Variants in SORBS2 observed in about 807,000 individuals in gnomAD.
SORBS2 encodes sorbin and SH3 domain-containing protein 2.
Under a neutral mutation model 97.7 loss-of-function variants are expected in SORBS2, and 46 were observed. The ratio of observed to expected loss-of-function variants is 0.47; its 90% CI spans 0.37 to 0.60. The LOEUF is 0.60. Among genes scored for constraint, SORBS2 ranks in the 20% least tolerant of loss-of-function variants. SORBS2 has a pLI of 0.00. For missense variants in SORBS2, 1,316 were observed against 1,282.3 expected (o/e 1.03, Z -0.40); for synonymous variants, 476 against 473.4 (o/e 1.01, Z -0.07).
Position 185,810,409 on chromosome 4 carries a change from G to T in SORBS2, c.-337-35043C>A, listed in dbSNP as rs2099175171. Reference sequence around the variant, plus strand: ...GACTCATGTCATCCAGATTTTGGAGGAAAAAGGTAGCAAATAAAAATATAC... The same window carrying T: ...GACTCATGTCATCCAGATTTTGGAGTAAAAAGGTAGCAAATAAAAATATAC... On this transcript the variant is annotated intron_variant, in intron 1 of 20. Coordinates refer to the SORBS2 transcript ENST00000284776. Among the ~76,000 whole-genome samples, 3 of 152,072 alleles carry T rather than the reference G, an allele frequency of 2.0e-5. No individual in the cohort carries two copies. The South Asian group carries it at 6.2e-4, about 32-fold the overall frequency.
chr4:185,872,122 C>T (rs2099230743), intron 1 of SORBS2, among the ~76,000 whole-genome samples: 1 of 152,140 alleles, frequency 6.6e-6, no homozygotes, highest in African/African-American at 2.4e-5. Flanking sequence ...ATGCTCTAGC[C>T]TCATTTTCAT....
At chr4:185,658,733 C>T (rs2097454418), upstream of SORBS2, among the ~76,000 whole-genome samples, 1 of 145,384 alleles carries the variant, frequency 6.9e-6, no homozygotes, top group Non-Finnish European at 1.5e-5. Context: ...GCTCTGTCAC[C>T]CAGCTGGAGT....
At chr4:185,794,005 G>A (rs2099093610) in intron 1 of SORBS2, among the ~76,000 whole-genome samples, 2 of 152,280 alleles carry the variant, frequency 1.3e-5, no homozygotes, top group Middle Eastern at 3.4e-3. Flanking sequence ...CAGAATTGGA[G>A]GAGCCCTGCC....
At chr4:185,718,704 T>C (rs80035277) in intron 2 of SORBS2, among the ~76,000 whole-genome samples, 1,570 of 152,316 alleles carry the variant, frequency 0.01, 33 homozygotes, top group African/African-American at 0.037. Context: ...ATGCACTTCT[T>C]TGGGAGAGCT....
intron 12 of SORBS2, among the ~76,000 whole-genome samples, chr4:185,608,782 C>T (rs1330453562): frequency 1.3e-5 from 2 of 152,124 alleles, no homozygotes; most frequent in Admixed American, 6.5e-5. Context: ...CTTTAGGTCT[C>T]TCCAGGTAGA....
intron 1 of SORBS2, among the ~76,000 whole-genome samples, chr4:185,933,577 G>T (rs1561314744): frequency 6.6e-6 from 1 of 152,056 alleles, no homozygotes; most frequent in Non-Finnish European, 1.5e-5. Context: ...TCCTTGGCTT[G>T]TAGACGCATC....
intron 1 of SORBS2, among the ~76,000 whole-genome samples, chr4:185,932,237 C>T (rs544064750): frequency 5.9e-5 from 9 of 151,570 alleles, no homozygotes; most frequent in South Asian, 2.1e-4. Context: ...GGGGCAGCTA[C>T]GAAGGGGGCA....
chr4:185,835,394 CG>C (rs1280039543), intron 1 of SORBS2, among the ~76,000 whole-genome samples: 1 of 152,142 alleles, frequency 6.6e-6, no homozygotes, highest in Non-Finnish European at 1.5e-5. Flanking sequence ...TCAATTCTAA[CG>C]GTGTTCAAAA....
Position 185,620,118 on chromosome 4 carries a change from A to C in SORBS2, c.2249T>G (p.Leu750Trp), listed in dbSNP as rs1163783216. 1.9e-6 allele frequency: 3 copies of C among 1,612,226 alleles called. No individual in the cohort carries two copies. The East Asian group carries it at 6.7e-5, about 36-fold the overall frequency. Residue 750 changes from leucine to tryptophan, a missense_variant, in exon 8 of 15, where the codon TTG becomes TGG. Leu to Trp is a moderately conservative substitution (Grantham distance 61). Transcript: ENST00000418609. Reference sequence around the variant, plus strand: ...TGGTGCACTTCTCCCCATGTCAGTCAAAGTGGATGAGTAACTTCTAGGGGA... The same window carrying C: ...TGGTGCACTTCTCCCCATGTCAGTCCAAGTGGATGAGTAACTTCTAGGGGA...
intron 12 of SORBS2, among the ~76,000 whole-genome samples, chr4:185,594,467 C>T (rs1466868671): frequency 6.6e-6 from 1 of 152,202 alleles, no homozygotes; most frequent in African/African-American, 2.4e-5. Context: ...TTAACATTTT[C>T]TGTTCTCAAT....
At chr4:185,636,264 G>T (rs1397075218) in intron 4 of SORBS2, among the ~76,000 whole-genome samples, 1 of 152,144 alleles carries the variant, frequency 6.6e-6, no homozygotes, top group Non-Finnish European at 1.5e-5. Flanking sequence ...AGATACAAAT[G>T]AGAAAAAATG....
chr4:185,916,156 G>T (rs1008478955), intron 1 of SORBS2, among the ~76,000 whole-genome samples: 2 of 152,172 alleles, frequency 1.3e-5, no homozygotes, highest in Non-Finnish European at 2.9e-5. Context: ...ATGAGTCATG[G>T]ACCGGAGGGA....
At chr4:185,749,701 A>G (rs1380783380) in intron 2 of SORBS2, among the ~76,000 whole-genome samples, 3 of 152,254 alleles carry the variant, frequency 2.0e-5, no homozygotes, top group Admixed American at 6.5e-5. Flanking sequence ...CAAAAGCAGA[A>G]TGGGCCAGAT....
chr4:185,907,442 T>C (rs2099251646), intron 1 of SORBS2, among the ~76,000 whole-genome samples: 1 of 152,246 alleles, frequency 6.6e-6, no homozygotes, highest in Non-Finnish European at 1.5e-5. Context: ...GAGGTGTTAT[T>C]TACCGTCTTT....
chr4:185,760,697 C>T (rs1048203613), intron 2 of SORBS2, among the ~76,000 whole-genome samples: 6 of 152,214 alleles, frequency 3.9e-5, no homozygotes, highest in African/African-American at 1.2e-4. Context: ...CAAAAAAGCT[C>T]GGCTGCCTTT....
At chr4:185,668,419 G>A (rs908231628) in intron 4 of SORBS2, among the ~76,000 whole-genome samples, 2 of 152,216 alleles carry the variant, frequency 1.3e-5, no homozygotes, top group African/African-American at 4.8e-5. Flanking sequence ...GTGTATGTGC[G>A]TGTGTGTGTT....
intron 1 of SORBS2, among the ~76,000 whole-genome samples, chr4:185,804,297 C>T (rs1246798650): frequency 2.6e-5 from 4 of 152,218 alleles, no homozygotes; most frequent in Non-Finnish European, 5.9e-5. Context: ...CAATAACCGA[C>T]TTGGCCTAGT....
chr4:185,938,389 T>TACACAC (rs34337257), intron 1 of SORBS2, among the ~76,000 whole-genome samples: 17,505 of 136,292 alleles, frequency 0.13, 1,218 homozygotes, highest in East Asian at 0.25. Context: ...TGTAGACACA[T>TACACAC]ACACACACAC....
intron 1 of SORBS2, among the ~76,000 whole-genome samples, chr4:185,807,985 C>A (rs1284684871): frequency 6.6e-6 from 1 of 152,084 alleles, no homozygotes; most frequent in Non-Finnish European, 1.5e-5. Flanking sequence ...AGAAACAGTA[C>A]AGGCATATTA....
Sources: gnomAD v4.1 joint callset for allele counts (sites outside exome capture counted in the v4.1 genomes callset) on GRCh38, gnomAD v4.1.1 for gene constraint, MANE v1.5 for transcripts, NCBI Gene and HGNC (gene_info 2026-07-23, HGNC 2026-07-21) for gene names.